The following FRAS1 variants were observed in gnomAD, a reference collection of about 807,000 sequenced individuals.
The protein encoded by FRAS1 is Fraser extracellular matrix complex subunit 1, also known as extracellular matrix organizing protein FRAS1.
FRAS1 carries 290 observed loss-of-function variants against 435.2 expected under a neutral mutation model. The observed-to-expected ratio is 0.67, with a 90% CI of 0.61 to 0.73. The LOEUF (loss-of-function observed/expected upper bound fraction) is 0.73. Ranked by LOEUF, FRAS1 falls within the 30% of genes least tolerant of loss-of-function variation. FRAS1 has a pLI of 0.00. For missense variants in FRAS1, 4,860 were observed against 5,001.5 expected (o/e 0.97, Z 0.85); for synonymous variants, 1,800 against 1,851.0 (o/e 0.97, Z 0.71).
intron 29 of FRAS1, among the ~76,000 whole-genome samples, chr4:78,388,639 GT>G (rs5859620): frequency 0.64 from 92,715 of 144,862 alleles, 30,247 homozygotes; most frequent in African/African-American, 0.79. Context: ...CTCTACTAAA[GT>G]TTTTTTTTTT....
chr4:78,393,496 TA>T (rs979752161), intron 29 of FRAS1, among the ~76,000 whole-genome samples: 21 of 152,226 alleles, frequency 1.4e-4, no homozygotes, highest in African/African-American at 3.8e-4. Flanking sequence ...TGAGTTTGGC[TA>T]TTTCAGATTC....
rs939658272 is a variant in FRAS1, at chr4:78,509,149, C to T, written c.9780+143C>T. On this transcript the variant is annotated intron_variant, in intron 63 of 73. Transcript: ENST00000512123. ...TAAGCAGGTGCACAGTCTTTTTACT[C>T]TTATACATAAGAAAAGGTTATATGC... 3.3e-6 allele frequency: 3 copies of T among 898,798 alleles called. No homozygotes were observed. The African/African-American group carries it at 5.7e-5, about 17-fold the overall frequency. The allele number at this position is 898,798 out of a possible 1,614,324, so 55.7% of individuals were successfully genotyped here. A position where few individuals can be genotyped will look rare whatever the true frequency, so the allele number is the denominator to read the frequency against.
At chr4:78,078,626 T>C (rs1021966528) in intron 2 of FRAS1, among the ~76,000 whole-genome samples, 1 of 152,040 alleles carries the variant, frequency 6.6e-6, no homozygotes, top group Non-Finnish European at 1.5e-5. Context: ...ATAGTAGAAC[T>C]TATAAATAAT....
rs764906218 is a variant in FRAS1, at chr4:78,446,785, C to T, written c.5915C>T (p.Ser1972Leu). 6 of 1,613,400 alleles carry T rather than the reference C, an allele frequency of 3.7e-6. No individual in the cohort carries two copies. Among genetic ancestry groups the T allele is most frequent in the South Asian group, 1.1e-5 (1 of 90,960 alleles). ...TLQPLRVQLS[S>L]GVVISNSSLS... ...CAGCCCCTCAGAGTGCAGCTGAGCTCGGGAGTGGTGATAAGCAATTCTTCT... is the reference window on the plus strand; with the variant it reads ...CAGCCCCTCAGAGTGCAGCTGAGCTTGGGAGTGGTGATAAGCAATTCTTCT... Residue 1972 changes from serine to leucine, a missense_variant, in exon 43 of 74, where the codon TCG becomes TTG. Physicochemically the swap from Ser to Leu is moderately radical, Grantham distance 145. Coordinates refer to ENST00000512123, the MANE Select transcript of FRAS1 (RefSeq NM_025074.7).
intron 2 of FRAS1, among the ~76,000 whole-genome samples, chr4:78,087,200 GAAGACC>G (rs1741226990): frequency 6.6e-6 from 1 of 152,014 alleles, no homozygotes; most frequent in Non-Finnish European, 1.5e-5. Flanking sequence ...TAGATGCAAA[GAAGACC>G]TTTGACAAAA....
intron 14 of FRAS1, among the ~76,000 whole-genome samples, chr4:78,301,868 T>TA: frequency 6.6e-6 from 1 of 150,876 alleles, no homozygotes; most frequent in South Asian, 2.1e-4. Flanking sequence ...TTTTTTTTTT[T>TA]TATACTTTAA....
In FRAS1 at chr4:78,440,291, C is replaced by G. The variant is rs562419392; in HGVS notation, c.5530-871C>G. Among the ~76,000 whole-genome samples, 6 of 152,220 alleles carry G rather than the reference C, an allele frequency of 3.9e-5. No homozygotes were observed. In the South Asian group the frequency reaches 1.2e-3, roughly 32 times the overall value. ...TCATGATCCACCCGCCTCGGCCTCCCAAAGTGCTGGGATTACAGGCGTGAG... is the reference window on the plus strand; with the variant it reads ...TCATGATCCACCCGCCTCGGCCTCCGAAAGTGCTGGGATTACAGGCGTGAG... On this transcript the variant is annotated intron_variant, in intron 40 of 73. Transcript: ENST00000512123.
intron 41 of FRAS1, 47 bp from the exon 42 acceptor site, chr4:78,445,475 A>G (rs191983018): frequency 3.6e-5 from 53 of 1,472,872 alleles, no homozygotes; most frequent in East Asian, 1.4e-4. Context: ...CCTAGTAAGC[A>G]GGAATTGATA....
intron 2 of FRAS1, among the ~76,000 whole-genome samples, chr4:78,120,850 G>A (rs1325831709): frequency 1.3e-5 from 2 of 152,164 alleles, no homozygotes; most frequent in Admixed American, 6.5e-5. Flanking sequence ...TTGAAACCTA[G>A]GTTTGGACCA....
intron 19 of FRAS1, among the ~76,000 whole-genome samples, chr4:78,334,410 C>G (rs1387407882): frequency 2.5e-5 from 3 of 118,226 alleles, no homozygotes; most frequent in Non-Finnish European, 4.8e-5. Context: ...CTTGCTCCGT[C>G]ACCAGGCTGG....
chr4:78,263,186 T>G (rs1201137596), intron 6 of FRAS1, among the ~76,000 whole-genome samples: 1 of 152,212 alleles, frequency 6.6e-6, no homozygotes, highest in Admixed American at 6.5e-5. Flanking sequence ...ACTCAGCTTC[T>G]TCTTACTTCC....
Position 78,526,522 on chromosome 4 carries a change from C to G in FRAS1, c.10809-19C>G. On this transcript the variant is annotated intron_variant, in intron 69 of 73. Transcript: ENST00000512123. The stretch of plus-strand genomic sequence containing the variant: ...ATCAGTTGTTCCCTACGATCACAGT[C>G]TGCTCTGCATGTTTCCAGGAAGGAC... 1 of 1,510,734 alleles carries G rather than the reference C, an allele frequency of 6.6e-7. No individual in the cohort carries two copies. Among genetic ancestry groups the G allele is most frequent in the Non-Finnish European group, 9.1e-7 (1 of 1,104,454 alleles). The allele number at this position is 1,510,734 out of a possible 1,614,324, so 93.6% of individuals were successfully genotyped here. A position where few individuals can be genotyped will look rare whatever the true frequency, so the allele number is the denominator to read the frequency against.
At chr4:78,463,590 C>T (rs532867606) in intron 47 of FRAS1, among the ~76,000 whole-genome samples, 115 of 152,278 alleles carry the variant, frequency 7.6e-4, no homozygotes, top group African/African-American at 2.5e-3. Context: ...AGCCCTGTAA[C>T]GTTAGTTTAA....
rs943664623 is a variant in FRAS1 at position 78,108,753 on chromosome 4, G to A, written c.108+42737G>A. Reference sequence around the variant, plus strand: ...AAGGCAAGAAATAACTAAAATCAGAGCAGAACTGAAGGAAATAGAGACACA... The same window carrying A: ...AAGGCAAGAAATAACTAAAATCAGAACAGAACTGAAGGAAATAGAGACACA... On this transcript the variant is annotated intron_variant, in intron 2 of 73. Transcript: ENST00000512123. Among the ~76,000 whole-genome samples, 4 of 92,642 alleles carry A rather than the reference G, an allele frequency of 4.3e-5. No individual in the cohort carries two copies. The Admixed American group carries it at 5.1e-4, about 12-fold the overall frequency. The allele number at this position is 92,642 out of a possible 152,430, so 60.8% of individuals were successfully genotyped here.
chr4:78,281,324 C>T (rs1727320011), intron 10 of FRAS1, 74 bp from the exon 11 acceptor site: 1 of 990,280 alleles, frequency 1.0e-6, no homozygotes, highest in East Asian at 2.8e-5. Context: ...TGGATAACTC[C>T]TAATGAAAAA....
intron 2 of FRAS1, among the ~76,000 whole-genome samples, chr4:78,160,301 C>T (rs139467693): frequency 3.9e-5 from 6 of 152,322 alleles, no homozygotes; most frequent in African/African-American, 1.2e-4. Flanking sequence ...ACAGGTCAAG[C>T]GTGTCAAATG....
At chr4:78,264,410 T>C (rs1415895082) in intron 6 of FRAS1, among the ~76,000 whole-genome samples, 3 of 152,216 alleles carry the variant, frequency 2.0e-5, no homozygotes, top group Admixed American at 2.0e-4. Flanking sequence ...TGATTTTTTT[T>C]CATGTGAAAG....
chr4:78,202,320 TG>T (rs1723079867), intron 2 of FRAS1, among the ~76,000 whole-genome samples: 1 of 152,244 alleles, frequency 6.6e-6, no homozygotes. Context: ...GCCCACTCTC[TG>T]GATGGAGCAG....
chr4:78,512,477 A>G (rs1721070536), intron 64 of FRAS1, among the ~76,000 whole-genome samples: 1 of 151,638 alleles, frequency 6.6e-6, no homozygotes, highest in African/African-American at 2.4e-5. Flanking sequence ...CTCAAAACAC[A>G]CTTTCAGTAA....
Sources: gnomAD v4.1 joint callset for allele counts (sites outside exome capture counted in the v4.1 genomes callset) on GRCh38, gnomAD v4.1.1 for gene constraint, MANE v1.5 for transcripts, NCBI Gene and HGNC (gene_info 2026-07-23, HGNC 2026-07-21) for gene names.